Variants in YAE1 observed in about 807,000 individuals in gnomAD.
YAE1 encodes the protein YAE1 maturation factor of ABCE1, also known as protein YAE1 homolog.
A neutral mutation model predicts 23.0 loss-of-function variants in YAE1; 22 were observed. That is an observed-to-expected ratio of 0.96 (90% CI 0.68 to 1.37). The LOEUF (loss-of-function observed/expected upper bound fraction) is 1.37. Among genes scored for constraint, YAE1 ranks in the 40% most tolerant of loss-of-function variants. YAE1 has a pLI of 0.00. For synonymous variants in YAE1, 101 were observed against 97.0 expected (o/e 1.04, Z -0.24); for missense variants, 260 against 262.1 (o/e 0.99, Z 0.06).
intron 1 of YAE1, chr7:39,567,048 G>A (rs1790481646): frequency 6.6e-6 from 1 of 152,320 alleles, no homozygotes; most frequent in Non-Finnish European, 1.5e-5. Context: ...GAATATTAAA[G>A]TTGGTTTCTT....
chr7:39,574,155 G>A (rs1790617930), downstream of YAE1, among the ~76,000 whole-genome samples: 1 of 152,156 alleles, frequency 6.6e-6, no homozygotes, highest in African/African-American at 2.4e-5. Context: ...GGCTTTTCCT[G>A]ATAAGATTCC....
intron 2 of YAE1, among the ~76,000 whole-genome samples, chr7:39,591,141 G>A (rs1790895587): frequency 6.6e-6 from 1 of 152,138 alleles, no homozygotes; most frequent in South Asian, 2.1e-4. Flanking sequence ...CTCTTTCTGT[G>A]TCCAAACTCC....
At chr7:39,581,680 T>A (rs1435221787) in intron 2 of YAE1, among the ~76,000 whole-genome samples, 7 of 151,900 alleles carry the variant, frequency 4.6e-5, no homozygotes, top group Non-Finnish European at 1.0e-4. Context: ...AAGACCAGCC[T>A]GGGAAACATA....
chr7:39,579,878 T>C (rs1369466992), intron 2 of YAE1, among the ~76,000 whole-genome samples: 1 of 151,828 alleles, frequency 6.6e-6, no homozygotes, highest in East Asian at 1.9e-4. Flanking sequence ...CAAAAGCCTG[T>C]CACTACCAAA....
rs755049381 is a variant in YAE1 at position 39,609,950 on chromosome 7, A to G, written c.585A>G (p.Thr195=). 7 of 1,521,640 alleles carry G rather than the reference A, an allele frequency of 4.6e-6. 1 individual carries two copies. The South Asian group carries it at 8.5e-5, about 18-fold the overall frequency. 94.3% of individuals were successfully genotyped at this position (1,521,640 alleles called of 1,614,324 possible). A position where few individuals can be genotyped will look rare whatever the true frequency, so the allele number is the denominator to read the frequency against. The change falls in exon 3 of 3, where the codon ACA becomes ACG. Residue 195 remains threonine, a synonymous_variant. Transcript: ENST00000432096. ...CCAACTCCGAAACACATTTTTCAAC[A>G]TATAATAGAATCATTATCAGAGGTG...
At chr7:39,599,031 G>A (rs140354277) in intron 2 of YAE1, among the ~76,000 whole-genome samples, 206 of 152,134 alleles carry the variant, frequency 1.4e-3, no homozygotes, top group Middle Eastern at 6.8e-3. Flanking sequence ...TCACTTGACA[G>A]GAGTTTGAGA....
At chr7:39,606,100 CT>C (rs2115852956) in intron 2 of YAE1, among the ~76,000 whole-genome samples, 1 of 151,780 alleles carries the variant, frequency 6.6e-6, no homozygotes. Context: ...TCTCCTACAA[CT>C]TTGAAATCTC....
At chr7:39,611,561 A>T (rs4374892), downstream of YAE1, among the ~76,000 whole-genome samples, 2,872 of 152,270 alleles carry the variant, frequency 0.019, 61 homozygotes, top group Admixed American at 0.064. Flanking sequence ...AGGTTCCCCC[A>T]AATTATTTTG....
At chr7:39,609,514 T>G (rs1192526925) in intron 2 of YAE1, 1 of 1,429,560 alleles carries the variant, frequency 7.0e-7, no homozygotes, top group East Asian at 2.5e-5. Context: ...GTTATAAGTT[T>G]ATCAGAAAAT....
rs1791025685 is a variant in YAE1, at chr7:39,599,551, T to A, written c.252-10066T>A. ...CACCACGCCTGGCCAGTTTTTGTATTTTTAGTAGAGACGGGTTGCTCTTAT... is the reference window on the plus strand; with the variant it reads ...CACCACGCCTGGCCAGTTTTTGTATATTTAGTAGAGACGGGTTGCTCTTAT... On this transcript the variant is annotated intron_variant, in intron 2 of 2. Coordinates refer to the YAE1 transcript ENST00000432096. Among the ~76,000 whole-genome samples, 3 of 152,144 alleles carry A rather than the reference T, an allele frequency of 2.0e-5. No individual in the cohort carries two copies. In the South Asian group the frequency reaches 6.2e-4, roughly 32 times the overall value.
rs780161439 is a variant in YAE1 at position 39,572,678 on chromosome 7, A to G, written c.653A>G (p.Asp218Gly). The G allele has an allele frequency of 6.2e-7, 1 of 1,602,346 alleles. No homozygotes were observed. Among genetic ancestry groups the G allele is most frequent in the South Asian group, 1.1e-5 (1 of 88,468 alleles). The change falls in exon 3 of 3, where the codon GAT (aspartate) becomes GGT (glycine). Residue 218 changes from aspartate (D) to glycine (G), a missense_variant. Asp to Gly is a moderately conservative substitution (Grantham distance 94). Coordinates refer to ENST00000223273, the MANE Select transcript of YAE1 (RefSeq NM_020192.5). ...GTTAAACAGCTGGGCCTATCAGTAG[A>G]TGTATTACAACACCTCAAACAACTA... The part of the protein sequence containing the change: ...SLVKQLGLSV[D>G]VLQHLKQL
intron 2 of YAE1, among the ~76,000 whole-genome samples, chr7:39,607,678 T>G (rs1299011044): frequency 6.6e-6 from 1 of 152,244 alleles, no homozygotes; most frequent in Non-Finnish European, 1.5e-5. Context: ...TACTGTTTGT[T>G]TGTTTTTTAA....
chr7:39,594,486 C>T (rs1790948147), intron 2 of YAE1, among the ~76,000 whole-genome samples: 1 of 152,162 alleles, frequency 6.6e-6, no homozygotes, highest in African/African-American at 2.4e-5. Context: ...TTTCTGCCTA[C>T]TTTGGTCCCT....
intron 2 of YAE1, among the ~76,000 whole-genome samples, chr7:39,580,076 G>A (rs1790719131): frequency 6.6e-6 from 1 of 152,216 alleles, no homozygotes; most frequent in African/African-American, 2.4e-5. Flanking sequence ...ATAACCAACA[G>A]TTATAAGGAA....
chr7:39,594,684 T>C (rs919767473), intron 2 of YAE1, among the ~76,000 whole-genome samples: 1 of 151,924 alleles, frequency 6.6e-6, no homozygotes, highest in Non-Finnish European at 1.5e-5. Flanking sequence ...CACTGAAACC[T>C]CCTGGGTTCA....
At chr7:39,605,648 G>A (rs1791119168) in intron 2 of YAE1, among the ~76,000 whole-genome samples, 1 of 152,054 alleles carries the variant, frequency 6.6e-6, no homozygotes, top group Admixed American at 6.5e-5. Context: ...ACTATACATT[G>A]GCTCTCCTGG....
At chr7:39,582,293 A>G (rs992918685) in intron 2 of YAE1, among the ~76,000 whole-genome samples, 1 of 152,102 alleles carries the variant, frequency 6.6e-6, no homozygotes, top group Non-Finnish European at 1.5e-5. Context: ...TCGGCCTCCC[A>G]AAGTGCTTGA....
intron 2 of YAE1, among the ~76,000 whole-genome samples, chr7:39,589,908 C>G (rs1790877540): frequency 6.6e-6 from 1 of 152,142 alleles, no homozygotes; most frequent in Non-Finnish European, 1.5e-5. Context: ...CACACTTCAC[C>G]ACAAGAGACG....
At chr7:39,588,910 G>A (rs542576461) in intron 2 of YAE1, among the ~76,000 whole-genome samples, 8 of 151,394 alleles carry the variant, frequency 5.3e-5, no homozygotes, top group African/African-American at 1.5e-4. Flanking sequence ...TGCAACCTCC[G>A]TCTTCCGGGT....
Sources: gnomAD v4.1 joint callset for allele counts (sites outside exome capture counted in the v4.1 genomes callset) on GRCh38, gnomAD v4.1.1 for gene constraint, MANE v1.5 for transcripts, NCBI Gene and HGNC (gene_info 2026-07-23, HGNC 2026-07-21) for gene names.